Variants in SULT1A1 observed in about 807,000 individuals in gnomAD.
SULT1A1 encodes the protein sulfotransferase family 1A member 1.
A neutral mutation model predicts 36.8 loss-of-function variants in SULT1A1; 35 were observed. The ratio of observed to expected loss-of-function variants is 0.95; its 90% CI spans 0.73 to 1.26. The LOEUF (loss-of-function observed/expected upper bound fraction) is 1.26. Among genes scored for constraint, SULT1A1 ranks in the 50% most tolerant of loss-of-function variants. SULT1A1 has a pLI of 0.00. For synonymous variants in SULT1A1, 119 were observed against 146.0 expected (o/e 0.82, Z 1.33); for missense variants, 309 against 383.0 (o/e 0.81, Z 1.61).
chr16:28,609,034 C>G, intron 1 of SULT1A1, 175 bp from the exon 2 acceptor site: 1 of 1,359,178 alleles, frequency 7.4e-7, no homozygotes, highest in Non-Finnish European at 1.0e-6. Context: ...GGCTCTAATG[C>G]GGTGGTTCCC....
chr16:28,618,667 A>C (rs1366784863), intron 2 of SULT1A1, among the ~76,000 whole-genome samples: 1 of 151,846 alleles, frequency 6.6e-6, no homozygotes, highest in African/African-American at 2.4e-5. Context: ...GGACTGGACT[A>C]TATATATTTG....
In SULT1A1 at chr16:28,605,686, C is replaced by A; in HGVS notation, c.*135G>T. 1.4e-6 allele frequency: 2 copies of A among 1,463,492 alleles called. No individual in the cohort carries two copies. Among genetic ancestry groups the A allele is most frequent in the Non-Finnish European group, 1.9e-6 (2 of 1,065,096 alleles). The allele number at this position is 1,463,492 out of a possible 1,614,324, so 90.7% of individuals were successfully genotyped here. ...CGAACTCCTGGGCTCAAATGATCCTCCCACCTCAGCCTCCAAATTGCTGGG... is the reference window on the plus strand; with the variant it reads ...CGAACTCCTGGGCTCAAATGATCCTACCACCTCAGCCTCCAAATTGCTGGG... On this transcript the variant is annotated 3_prime_UTR_variant, in exon 8 of 8. Transcript: ENST00000314752.
chr16:28,619,563 A>C (rs987726971), intron 2 of SULT1A1, among the ~76,000 whole-genome samples: 4 of 152,040 alleles, frequency 2.6e-5, no homozygotes, highest in Non-Finnish European at 4.4e-5. Context: ...CAAAAAATTT[A>C]AAAATAATTA....
intron 2 of SULT1A1, among the ~76,000 whole-genome samples, chr16:28,615,521 G>A (rs1163442861): frequency 2.0e-5 from 3 of 148,234 alleles, no homozygotes; most frequent in African/African-American, 5.0e-5. Context: ...CCGCTGACCC[G>A]GTGGAAGGCC....
At chr16:28,606,669 G>C (rs1043824267) in intron 6 of SULT1A1, 92 bp downstream of exon 6, 2 of 1,556,230 alleles carry the variant, frequency 1.3e-6, no homozygotes, top group South Asian at 1.2e-5. Context: ...TGTGGGGGCT[G>C]CCCAGGGAGG....
rs756748887 is a variant in SULT1A1, at chr16:28,606,128, T to C, written c.703A>G (p.Asn235Asp). ...ACGGTGGTGTAGTTGGTCATAGGGT[T>C]CTTCTTCATCTCCTTGAACGACGTG... is the stretch of plus-strand genomic sequence containing the variant. ...QHTSFKEMKK[N>D]PMTNYTTVPQ... Residue 235 changes from asparagine to aspartate, a missense_variant, in exon 7 of 8, where the codon AAC becomes GAC. By Grantham distance (23) the Asn-to-Asp change is conservative. Around this residue, in one of 3 missense-constraint regions of SULT1A1, gnomAD observed 67 missense variants for 122.0 expected, o/e 0.55. Coordinates refer to ENST00000314752, the MANE Select transcript of SULT1A1 (RefSeq NM_001055.4). The C allele has an allele frequency of 7.4e-6, 12 of 1,611,348 alleles. 2 individuals carry two copies. The highest frequency in any genetic ancestry group is 9.3e-6 in the Non-Finnish European group (11 of 1,178,154).
At chr16:28,622,411 C>T (rs1011072748) in intron 1 of SULT1A1, among the ~76,000 whole-genome samples, 11 of 152,206 alleles carry the variant, frequency 7.2e-5, no homozygotes, top group African/African-American at 2.6e-4. Context: ...ACCCCAGGCC[C>T]GGGTCGGATT....
intron 2 of SULT1A1, among the ~76,000 whole-genome samples, chr16:28,617,213 G>A (rs534513252): frequency 5.9e-5 from 9 of 151,910 alleles, no homozygotes; most frequent in Non-Finnish European, 8.8e-5. Context: ...AGGTTTCATC[G>A]TCATATTGCC....
chr16:28,608,894 A>G lies in SULT1A1; in HGVS notation c.-4-35T>C, dbSNP rs1262393601. ...GGGCCAGAGCCAGGCCCGTTCCCTT[A>G]CCACCATCACAACAGCAAGAAAGTG... On this transcript the variant is annotated intron_variant, in intron 1 of 7. Coordinates refer to ENST00000314752, the MANE Select transcript of SULT1A1 (RefSeq NM_001055.4). The G allele has an allele frequency of 1.9e-6, 3 of 1,611,042 alleles. No homozygotes were observed. The African/African-American group carries it at 4.0e-5, about 22-fold the overall frequency.
intron 1 of SULT1A1, chr16:28,609,591 T>TA: frequency 2.4e-6 from 1 of 421,266 alleles, no homozygotes. Flanking sequence ...TAAAAATCTT[T>TA]AAAAAAATTC....
chr16:28,606,334 TCTC>T lies in SULT1A1; in HGVS notation c.595-101_595-99del, dbSNP rs1345210483. 122 of 1,584,184 alleles carry T rather than the reference TCTC, an allele frequency of 7.7e-5. 1 individual carries two copies. In the East Asian group the frequency reaches 1.3e-3, roughly 17 times the overall value. On this transcript the variant is annotated intron_variant, in intron 6 of 7. Coordinates refer to ENST00000314752, the MANE Select transcript of SULT1A1 (RefSeq NM_001055.4). ...TAACCTCAGAGGCGATCTGGCCACT[TCTC>T]CTAGAAACCCTGCAGAGCCAACTCC...
chr16:28,620,876 T>G (rs2047637975), intron 1 of SULT1A1, among the ~76,000 whole-genome samples: 1 of 151,936 alleles, frequency 6.6e-6, no homozygotes, highest in Non-Finnish European at 1.5e-5. Flanking sequence ...TTTGGGAAGT[T>G]GAGGCGAGCG....
exon 1 of SULT1A1, chr16:28,623,289 A>G (rs2047695150): frequency 9.7e-6 from 15 of 1,539,598 alleles, no homozygotes; most frequent in Non-Finnish European, 1.3e-5. Flanking sequence ...CAACGTGGCC[A>G]CGCGCCGCGT....
chr16:28,619,926 T>A, intron 2 of SULT1A1: 1 of 627,830 alleles, frequency 1.6e-6, no homozygotes, highest in East Asian at 3.0e-5. Context: ...TATGTACATA[T>A]ATATACATAT....
At chr16:28,609,274 C>T (rs1402261565) in intron 1 of SULT1A1, 2 of 1,252,770 alleles carry the variant, frequency 1.6e-6, no homozygotes, top group East Asian at 9.8e-5. Flanking sequence ...CCCCCAGCCT[C>T]CACCCAGTGG....
intron 1 of SULT1A1, chr16:28,620,264 T>A (rs1968752): frequency 3.6e-6 from 3 of 829,872 alleles, no homozygotes; most frequent in Admixed American, 5.4e-5. Flanking sequence ...CCTCTGATCC[T>A]ACAGTGAAAA....
At chr16:28,614,532 C>G (rs1423979922), upstream of SULT1A1, among the ~76,000 whole-genome samples, 2 of 124,176 alleles carry the variant, frequency 1.6e-5, 1 homozygote, top group Non-Finnish European at 3.7e-5. Context: ...GCAATTCTCC[C>G]GCCTCAGCCT....
chr16:28,605,680 G>A lies in SULT1A1; in HGVS notation c.*141C>T, dbSNP rs1258101262. On this transcript the variant is annotated 3_prime_UTR_variant, in exon 8 of 8. Transcript: ENST00000314752. ...TGGTCTCGAACTCCTGGGCTCAAAT[G>A]ATCCTCCCACCTCAGCCTCCAAATT... is the stretch of plus-strand genomic sequence containing the variant. 19 of 1,429,756 alleles carry A rather than the reference G, an allele frequency of 1.3e-5. No homozygotes were observed. The highest frequency in any genetic ancestry group is 1.8e-5 in the Non-Finnish European group (19 of 1,036,372). The allele number at this position is 1,429,756 out of a possible 1,614,324, so 88.6% of individuals were successfully genotyped here.
chr16:28,610,264 G>GTTTTTTTT (rs538720119), upstream of SULT1A1: 148 of 349,420 alleles, frequency 4.2e-4, no homozygotes, highest in Middle Eastern at 2.3e-3. Context: ...TTTTTTTTCT[G>GTTTTTTTT]TTTTTTTTTT....
Sources: gnomAD v4.1 joint callset for allele counts (sites outside exome capture counted in the v4.1 genomes callset) on GRCh38, gnomAD v4.1.1 for gene constraint, gnomAD v4.1.1 regional missense constraint, MANE v1.5 for transcripts, NCBI Gene and HGNC (gene_info 2026-07-23, HGNC 2026-07-21) for gene names.